The following RRP15 variants were observed in gnomAD, a reference collection of about 807,000 sequenced individuals.
The protein encoded by RRP15 is ribosomal RNA processing 15 homolog.
RRP15 carries 18 observed loss-of-function variants against 27.1 expected under a neutral mutation model. That is an observed-to-expected ratio of 0.66 (90% CI 0.46 to 0.98). The LOEUF is 0.98. Among genes scored for constraint, RRP15 ranks in the 50% least tolerant of loss-of-function variants. RRP15 has a pLI of 0.00. For missense variants in RRP15, 359 were observed against 337.8 expected (o/e 1.06, Z -0.49); for synonymous variants, 107 against 109.4 (o/e 0.98, Z 0.14).
intron 4 of RRP15, among the ~76,000 whole-genome samples, chr1:218,328,657 C>T (rs971748550): frequency 1.3e-5 from 2 of 151,330 alleles, no homozygotes; most frequent in Non-Finnish European, 2.9e-5. Context: ...AGCGAGACTC[C>T]GTCTCAAAAA....
chr1:218,328,800 C>A (rs1656318382), intron 4 of RRP15, among the ~76,000 whole-genome samples: 1 of 152,038 alleles, frequency 6.6e-6, no homozygotes, highest in Admixed American at 6.6e-5. Context: ...AGGGTGAGCT[C>A]TCTTGTAGAA....
chr1:218,320,177 G>A (rs142668213), intron 4 of RRP15, among the ~76,000 whole-genome samples: 7,964 of 151,380 alleles, frequency 0.053, 693 homozygotes, highest in African/African-American at 0.18. Context: ...ATCATTTAGC[G>A]TTAGATATAT....
chr1:218,293,071 T>C (rs1655670550), intron 1 of RRP15, among the ~76,000 whole-genome samples: 1 of 151,744 alleles, frequency 6.6e-6, no homozygotes, highest in South Asian at 2.1e-4. Context: ...TTGCCCATGC[T>C]GGTGTGCAGT....
chr1:218,292,096 G>C (rs1238307408), intron 1 of RRP15, among the ~76,000 whole-genome samples: 1 of 151,682 alleles, frequency 6.6e-6, no homozygotes, highest in African/African-American at 2.4e-5. Flanking sequence ...TCGGCCTCCC[G>C]AAGTGTTGGG....
intron 1 of RRP15, among the ~76,000 whole-genome samples, chr1:218,292,583 A>G (rs1655661426): frequency 6.6e-6 from 1 of 152,252 alleles, no homozygotes. Context: ...AATGACTGCA[A>G]AAGTGCCATG....
intron 1 of RRP15, among the ~76,000 whole-genome samples, chr1:218,296,633 G>C (rs779231886): frequency 1.3e-5 from 2 of 148,682 alleles, no homozygotes; most frequent in Admixed American, 1.3e-4. Context: ...GCCAGAGTGA[G>C]ACCTTGTCTC....
chr1:218,311,908 C>T (rs1656001084), intron 4 of RRP15, among the ~76,000 whole-genome samples: 1 of 152,174 alleles, frequency 6.6e-6, no homozygotes, highest in Non-Finnish European at 1.5e-5. Context: ...CGGGTAGGCC[C>T]TAAGACCAGT....
intron 1 of RRP15, among the ~76,000 whole-genome samples, chr1:218,290,208 C>T (rs1345236913): frequency 2.0e-5 from 3 of 152,106 alleles, no homozygotes; most frequent in Non-Finnish European, 2.9e-5. Flanking sequence ...CATTGTTGGA[C>T]ATCATGGTAA....
At chr1:218,304,140 T>C (rs1173803684) in intron 2 of RRP15, among the ~76,000 whole-genome samples, 2 of 152,326 alleles carry the variant, frequency 1.3e-5, no homozygotes, top group East Asian at 3.9e-4. Context: ...GGTTTTACTG[T>C]GATTAGACAC....
intron 4 of RRP15, among the ~76,000 whole-genome samples, chr1:218,328,442 C>G (rs1656308795): frequency 6.6e-6 from 1 of 152,076 alleles, no homozygotes; most frequent in Non-Finnish European, 1.5e-5. Context: ...GCGGGCAGAT[C>G]ATGAAGTCAG....
Position 218,289,131 on chromosome 1 carries a change from C to T in RRP15, c.139+3676C>T, listed in dbSNP as rs138511524. 3.4e-4 allele frequency among the ~76,000 whole-genome samples: 51 copies of T among 152,236 alleles called. 1 individual carries two copies. Among genetic ancestry groups the T allele is most frequent in the Middle Eastern group, 6.8e-3 (2 of 294 alleles). ...ACCCACTCATAAATATTAGTGATGA[C>T]GATGATGTCTCTTCTGACCTAAAAA... is the stretch of plus-strand genomic sequence containing the variant. On this transcript the variant is annotated intron_variant, in intron 1 of 4. Transcript: ENST00000366932.
At chr1:218,296,452 A>C (rs1655720451) in intron 1 of RRP15, among the ~76,000 whole-genome samples, 2 of 152,028 alleles carry the variant, frequency 1.3e-5, no homozygotes, top group African/African-American at 4.8e-5. Context: ...CCAGGAGTTC[A>C]AGACCAGCCT....
At chr1:218,320,660 A>G (rs928561672) in intron 4 of RRP15, among the ~76,000 whole-genome samples, 2 of 152,144 alleles carry the variant, frequency 1.3e-5, no homozygotes, top group African/African-American at 4.8e-5. Flanking sequence ...ATTTTGCCAT[A>G]AACGTTTATT....
intron 1 of RRP15, among the ~76,000 whole-genome samples, chr1:218,289,332 A>G (rs1655597811): frequency 6.6e-6 from 1 of 152,228 alleles, no homozygotes; most frequent in Admixed American, 6.5e-5. Context: ...TAGTGCTTCC[A>G]GTATATCATA....
chr1:218,308,870 A>G (rs1049035490), intron 4 of RRP15, among the ~76,000 whole-genome samples: 12 of 152,200 alleles, frequency 7.9e-5, no homozygotes, highest in Non-Finnish European at 1.2e-4. Context: ...CGCTAGTAAC[A>G]TTTTACTGTA....
intron 4 of RRP15, among the ~76,000 whole-genome samples, chr1:218,321,498 A>G (rs1656187117): frequency 6.6e-6 from 1 of 152,212 alleles, no homozygotes; most frequent in Non-Finnish European, 1.5e-5. Flanking sequence ...GATAGTAAAT[A>G]CCTATGTCTA....
chr1:218,309,334 A>G (rs975136913), intron 4 of RRP15, among the ~76,000 whole-genome samples: 3 of 152,190 alleles, frequency 2.0e-5, no homozygotes, highest in African/African-American at 7.2e-5. Flanking sequence ...TTGAGTTTGC[A>G]TCTGAATAAC....
intron 4 of RRP15, among the ~76,000 whole-genome samples, chr1:218,328,050 A>C (rs1656301996): frequency 6.6e-6 from 1 of 152,256 alleles, no homozygotes; most frequent in African/African-American, 2.4e-5. Flanking sequence ...TGCTAATAAC[A>C]TATTTTCAAG....
In RRP15 at chr1:218,331,059, A is replaced by G. The variant is rs1367999243; in HGVS notation, c.817A>G (p.Arg273Gly). Residue 273 changes from arginine (R) to glycine (G), a missense_variant, in exon 5 of 5, where the codon AGA becomes GGA. Arg to Gly is a moderately radical substitution (Grantham distance 125). Transcript: ENST00000366932. ...GGAAAGTGATGGGCCAGATGACAGC[A>G]GACCAGAATCTGCAAGTGACTCTGA... Reference protein sequence around the residue: ...DKESDGPDDSRPESASDSDT With the variant: ...DKESDGPDDSGPESASDSDT 6.2e-7 allele frequency: 1 copy of G among 1,611,738 alleles called. No individual in the cohort carries two copies. The highest frequency in any genetic ancestry group is 8.5e-7 in the Non-Finnish European group (1 of 1,178,478).
Sources: gnomAD v4.1 joint callset for allele counts (sites outside exome capture counted in the v4.1 genomes callset) on GRCh38, gnomAD v4.1.1 for gene constraint, MANE v1.5 for transcripts, NCBI Gene and HGNC (gene_info 2026-07-23, HGNC 2026-07-21) for gene names.